The following ESRRG variants were observed in gnomAD, a reference collection of about 807,000 sequenced individuals.
ESRRG encodes estrogen related receptor gamma.
Under a neutral mutation model 44.0 loss-of-function variants are expected in ESRRG, and 13 were observed. That is an observed-to-expected ratio of 0.30 (90% CI 0.19 to 0.47). ESRRG has a LOEUF of 0.47. Among genes scored for constraint, ESRRG ranks in the 20% least tolerant of loss-of-function variants. The pLI, the probability that ESRRG is intolerant of heterozygous loss-of-function variation, is 1.00. For synonymous variants in ESRRG, 215 were observed against 214.6 expected (o/e 1.00, Z -0.02); for missense variants, 395 against 580.6 (o/e 0.68, Z 3.29).
chr1:216,781,599 T>C (rs989279171), intron 2 of ESRRG, among the ~76,000 whole-genome samples: 63 of 152,024 alleles, frequency 4.1e-4, no homozygotes, highest in African/African-American at 1.4e-3. Flanking sequence ...GTGGACTAAT[T>C]AGAGCAAGTC....
chr1:216,603,937 C>CAAAAAAAA (rs1279211692), intron 3 of ESRRG, among the ~76,000 whole-genome samples: 1 of 28,080 alleles, frequency 3.6e-5, no homozygotes. Context: ...TCAAAAAAAA[C>CAAAAAAAA]AAAAAAACAA....
chr1:216,781,755 C>G (rs1188483082), intron 2 of ESRRG, among the ~76,000 whole-genome samples: 1 of 151,986 alleles, frequency 6.6e-6, no homozygotes, highest in Non-Finnish European at 1.5e-5. Flanking sequence ...AAGACAAAAA[C>G]CATAGGGGAG....
intron 2 of ESRRG, among the ~76,000 whole-genome samples, chr1:216,792,402 T>C (rs1445675637): frequency 1.3e-5 from 2 of 152,146 alleles, no homozygotes; most frequent in Admixed American, 6.6e-5. Context: ...CAGGGTTTTT[T>C]TTGCCAGGTT....
chr1:216,530,128 A>C (rs2048880688), intron 5 of ESRRG, among the ~76,000 whole-genome samples: 1 of 150,588 alleles, frequency 6.6e-6, no homozygotes, highest in East Asian at 1.9e-4. Context: ...AAAAAAAAAA[A>C]AAAAAGGGGG....
At chr1:217,004,570 C>T (rs182269985) in intron 1 of ESRRG, among the ~76,000 whole-genome samples, 20 of 152,184 alleles carry the variant, frequency 1.3e-4, no homozygotes, top group Non-Finnish European at 2.2e-4. Flanking sequence ...TCTTTATTAG[C>T]GTGAAAACTA....
intron 2 of ESRRG, among the ~76,000 whole-genome samples, chr1:216,899,464 A>T (rs985907418): frequency 6.6e-6 from 1 of 152,228 alleles, no homozygotes; most frequent in Non-Finnish European, 1.5e-5. Context: ...TCGTCTGCTT[A>T]GGGCCACTGA....
chr1:216,931,703 C>T (rs960481619), intron 2 of ESRRG, among the ~76,000 whole-genome samples: 10 of 152,028 alleles, frequency 6.6e-5, no homozygotes, highest in African/African-American at 2.2e-4. Context: ...AGTCATCTCT[C>T]CAACTTGTCT....
intron 5 of ESRRG, among the ~76,000 whole-genome samples, chr1:216,546,795 C>T (rs971460077): frequency 6.8e-6 from 1 of 146,378 alleles, no homozygotes; most frequent in African/African-American, 2.5e-5. Context: ...ATTTAAATTT[C>T]ACCTCTGCTA....
Position 216,523,499 on chromosome 1 carries a change from TTTG to T in ESRRG, c.863-4081_863-4079del, listed in dbSNP as rs1165292615. Among the ~76,000 whole-genome samples, 19 of 82,210 alleles carry T rather than the reference TTTG, an allele frequency of 2.3e-4. 3 individuals carry two copies. Among genetic ancestry groups the T allele is most frequent in the Non-Finnish European group, 3.4e-4 (11 of 31,930 alleles). The allele number at this position is 82,210 out of a possible 152,430, so 53.9% of individuals were successfully genotyped here. A position where few individuals can be genotyped will look rare whatever the true frequency, so the allele number is the denominator to read the frequency against. Reference sequence around the variant, plus strand: ...GCACTCATCAAGCACTGTTTTTTTTTTTGTTTTTTTTTTTTTTTAGCCTGGCAA... The same window carrying T: ...GCACTCATCAAGCACTGTTTTTTTTTTTTTTTTTTTTTTTTAGCCTGGCAA... On this transcript the variant is annotated intron_variant, in intron 5 of 6. Coordinates refer to ENST00000408911, the MANE Select transcript of ESRRG (RefSeq NM_001438.4).
intron 2 of ESRRG, among the ~76,000 whole-genome samples, chr1:216,776,070 C>G (rs1230210858): frequency 6.6e-6 from 1 of 152,064 alleles, no homozygotes; most frequent in African/African-American, 2.4e-5. Context: ...TATCACTCCT[C>G]TATGTAAATC....
chr1:217,025,567 C>A (rs1008785017), intron 1 of ESRRG, among the ~76,000 whole-genome samples: 5 of 152,140 alleles, frequency 3.3e-5, no homozygotes, highest in African/African-American at 1.2e-4. Context: ...CTATTTTAGT[C>A]ATTTTAGCAT....
At chr1:216,970,878 C>T (rs578226366) in intron 1 of ESRRG, among the ~76,000 whole-genome samples, 1 of 152,234 alleles carries the variant, frequency 6.6e-6, no homozygotes, top group East Asian at 1.9e-4. Flanking sequence ...GAACATAATA[C>T]CCTGTTGGTG....
At chr1:216,932,060 C>T (rs956876753) in intron 2 of ESRRG, among the ~76,000 whole-genome samples, 3 of 151,874 alleles carry the variant, frequency 2.0e-5, no homozygotes, top group Admixed American at 6.6e-5. Flanking sequence ...AAAAATCAGC[C>T]GGACATGGTG....
At chr1:217,137,551 C>T (rs1037433390) in intron 1 of ESRRG, 1 of 152,326 alleles carries the variant, frequency 6.6e-6, no homozygotes, top group African/African-American at 2.4e-5. Flanking sequence ...GCTGCGGTAC[C>T]GCCTGTCGGT....
At chr1:216,664,429 T>A (rs1461977283) in intron 2 of ESRRG, among the ~76,000 whole-genome samples, 2 of 150,618 alleles carry the variant, frequency 1.3e-5, no homozygotes, top group Non-Finnish European at 3.0e-5. Flanking sequence ...AATATATTCA[T>A]TATTATTATA....
intron 1 of ESRRG, among the ~76,000 whole-genome samples, chr1:216,698,372 A>T (rs1345273485): frequency 3.9e-5 from 6 of 151,924 alleles, no homozygotes; most frequent in African/African-American, 1.4e-4. Flanking sequence ...AAAAAAAATT[A>T]TCCGGGCGTG....
chr1:216,768,184 T>C (rs149670538), intron 2 of ESRRG, among the ~76,000 whole-genome samples: 13 of 152,242 alleles, frequency 8.5e-5, no homozygotes, highest in African/African-American at 2.2e-4. Context: ...TATTCTCAAA[T>C]TGAGGAATCT....
At chr1:216,972,043 C>A in intron 1 of ESRRG, among the ~76,000 whole-genome samples, 1 of 152,104 alleles carries the variant, frequency 6.6e-6, no homozygotes, top group East Asian at 1.9e-4. Flanking sequence ...CTCTGATGAA[C>A]AAAATTGGTA....
intron 5 of ESRRG, among the ~76,000 whole-genome samples, chr1:216,549,778 C>T (rs1297943120): frequency 1.3e-5 from 2 of 152,126 alleles, no homozygotes; most frequent in African/African-American, 2.4e-5. Flanking sequence ...CATTTTCCCC[C>T]TGAAGGAAAA....
Sources: allele counts gnomAD v4.1 joint callset (sites outside exome capture counted in the v4.1 genomes callset), GRCh38; gene constraint gnomAD v4.1.1; transcripts MANE v1.5; gene names NCBI Gene and HGNC (gene_info 2026-07-23, HGNC 2026-07-21).